The following ATP10A variants were observed in gnomAD, a reference collection of about 807,000 sequenced individuals.
The protein encoded by ATP10A is phospholipid-transporting ATPase VA.
ATP10A carries 111 observed loss-of-function variants against 147.8 expected under a neutral mutation model. That is an observed-to-expected ratio of 0.75 (90% CI 0.64 to 0.88). The LOEUF (loss-of-function observed/expected upper bound fraction) is 0.88, where lower values mean the gene tolerates loss of function less well. Among genes scored for constraint, ATP10A ranks in the 40% least tolerant of loss-of-function variants. The probability of loss-of-function intolerance (pLI) is 0.00; values close to 1 mark genes in which losing one functional copy is unlikely to be tolerated. For synonymous variants in ATP10A, 875 were observed against 841.6 expected (o/e 1.04, Z -0.69); for missense variants, 1,927 against 1,959.0 (o/e 0.98, Z 0.31).
At chr15:25,829,086 G>A (rs376376044) in intron 1 of ATP10A, among the ~76,000 whole-genome samples, 34 of 152,226 alleles carry the variant, frequency 2.2e-4, no homozygotes, top group African/African-American at 7.2e-4. Flanking sequence ...GTAAGGAGGC[G>A]GAAAGTCGAT....
intron 12 of ATP10A, 114 bp from the exon 13 acceptor site, chr15:25,702,214 T>C (rs1900710849): frequency 2.7e-6 from 3 of 1,120,684 alleles, no homozygotes; most frequent in Non-Finnish European, 1.3e-6. Flanking sequence ...GTACAGCCCC[T>C]GTTGCCTGGG....
chr15:25,694,781 A>T, intron 14 of ATP10A, 38 bp downstream of exon 14: 19 of 1,556,158 alleles, frequency 1.2e-5, no homozygotes, highest in Non-Finnish European at 1.7e-5. Context: ...GTTTGGGTCC[A>T]GCTGGGAGGA....
intron 1 of ATP10A, among the ~76,000 whole-genome samples, chr15:25,835,582 T>C (rs116670467): frequency 1.9e-3 from 284 of 152,212 alleles, no homozygotes; most frequent in African/African-American, 6.5e-3. Context: ...AGGCCGGCCA[T>C]AGGAAACTTC....
At chr15:25,723,207 G>A (rs1567333406) in intron 6 of ATP10A, among the ~76,000 whole-genome samples, 1 of 152,054 alleles carries the variant, frequency 6.6e-6, no homozygotes, top group African/African-American at 2.4e-5. Context: ...AAATTAGCAA[G>A]GTGTGTGGCA....
rs1364592968 is a variant in ATP10A, at chr15:25,723,922, T to C, written c.1079A>G (p.Tyr360Cys). The C allele has an allele frequency of 1.2e-6, 2 of 1,606,458 alleles. No individual in the cohort carries two copies. Among genetic ancestry groups the C allele is most frequent in the South Asian group, 2.3e-5 (2 of 88,876 alleles). ...AACTATTATCATTGTTAAAAATGAG[T>C]AAACTGCAGCTGTGACTGGGGATAA... ...SSLSPVTAAV[Y>C]SFLTMIIVLQ... The change falls in exon 6 of 21, where the codon TAC becomes TGC. Residue 360 changes from tyrosine to cysteine, a missense_variant. Coordinates refer to ENST00000555815, the MANE Select transcript of ATP10A (RefSeq NM_024490.4).
At chr15:25,775,146 A>G (rs1236169486) in intron 2 of ATP10A, among the ~76,000 whole-genome samples, 1 of 152,196 alleles carries the variant, frequency 6.6e-6, no homozygotes, top group Admixed American at 6.5e-5. Context: ...AAGACTAACA[A>G]CTTGAAAAGC....
intron 17 of ATP10A, 43 bp downstream of exon 17, chr15:25,683,243 C>A (rs1452235871): frequency 6.3e-7 from 1 of 1,582,846 alleles, no homozygotes; most frequent in Non-Finnish European, 8.7e-7. Flanking sequence ...ACGTGGAGGG[C>A]AGAGCTCAGG....
chr15:25,726,126 C>A, intron 4 of ATP10A, 44 bp from the exon 5 acceptor site: 1 of 1,597,982 alleles, frequency 6.3e-7, no homozygotes, highest in Non-Finnish European at 8.6e-7. Flanking sequence ...GAGACTGGAG[C>A]TAAGGGACCA....
At chr15:25,819,439 C>T (rs1257184530) in intron 1 of ATP10A, among the ~76,000 whole-genome samples, 1 of 152,068 alleles carries the variant, frequency 6.6e-6, no homozygotes, top group African/African-American at 2.4e-5. Flanking sequence ...GCTGGTGAGA[C>T]TGCAGAGAAA....
intron 1 of ATP10A, among the ~76,000 whole-genome samples, chr15:25,849,830 CA>C: frequency 6.7e-6 from 1 of 149,494 alleles, no homozygotes; most frequent in East Asian, 2.0e-4. Context: ...TGCTTAAAAG[CA>C]ATGATTTTCT....
At position 25,678,933 on chromosome 15, in the gene ATP10A, A is replaced by G. The variant is rs1315491466; in HGVS notation, c.*408T>C. 1.3e-5 allele frequency: 2 copies of G among 152,516 alleles called. No homozygotes were observed. Among genetic ancestry groups the G allele is most frequent in the African/African-American group, 4.8e-5 (2 of 41,416 alleles). The allele number at this position is 152,516 out of a possible 1,614,324, so 9.4% of individuals were successfully genotyped here. A position where few individuals can be genotyped will look rare whatever the true frequency, so the allele number is the denominator to read the frequency against. ...GTGAGACTGGAAGCCTCTGGGGGCC[A>G]TGTGCTCTGCCCTCTGCCATCTCTG... On this transcript the variant is annotated 3_prime_UTR_variant, in exon 21 of 21. Coordinates refer to ENST00000555815, the MANE Select transcript of ATP10A (RefSeq NM_024490.4).
intron 1 of ATP10A, among the ~76,000 whole-genome samples, chr15:25,809,608 A>G (rs1317942936): frequency 1.3e-5 from 2 of 152,130 alleles, no homozygotes; most frequent in Non-Finnish European, 2.9e-5. Flanking sequence ...CTTCGTTTTT[A>G]TTCATTTTCC....
At chr15:25,737,861 G>A (rs1057222999) in intron 2 of ATP10A, among the ~76,000 whole-genome samples, 19 of 152,194 alleles carry the variant, frequency 1.2e-4, no homozygotes, top group African/African-American at 3.6e-4. Context: ...CACACAGAGG[G>A]GAGATCATGC....
At chr15:25,851,681 A>G (rs1169154866) in intron 1 of ATP10A, among the ~76,000 whole-genome samples, 3 of 152,152 alleles carry the variant, frequency 2.0e-5, no homozygotes, top group Non-Finnish European at 2.9e-5. Context: ...TCTATTCCCA[A>G]TATTTCAAAA....
chr15:25,717,023 A>G, intron 8 of ATP10A, 99 bp from the exon 9 acceptor site: 1 of 943,788 alleles, frequency 1.1e-6, no homozygotes, highest in Non-Finnish European at 1.5e-6. Flanking sequence ...TATAAGCTGT[A>G]AACAGAACTT....
intron 1 of ATP10A, among the ~76,000 whole-genome samples, chr15:25,854,589 A>T (rs1404351804): frequency 6.6e-6 from 1 of 152,364 alleles, no homozygotes; most frequent in African/African-American, 2.4e-5. Flanking sequence ...ATCACAACTG[A>T]CTTGAGAAGA....
At chr15:25,781,654 C>CA (rs548952406) in intron 1 of ATP10A, among the ~76,000 whole-genome samples, 387 of 138,926 alleles carry the variant, frequency 2.8e-3, no homozygotes, top group Non-Finnish European at 5.0e-3. Context: ...TATTCCGTCT[C>CA]AAAAAAAAAG....
chr15:25,796,360 G>A (rs1330038229), intron 1 of ATP10A, among the ~76,000 whole-genome samples: 2 of 151,922 alleles, frequency 1.3e-5, no homozygotes, highest in Non-Finnish European at 2.9e-5. Context: ...AGCCACAATA[G>A]CACCACTACA....
intron 2 of ATP10A, among the ~76,000 whole-genome samples, chr15:25,750,381 G>A (rs1888080969): frequency 6.6e-6 from 1 of 151,876 alleles, no homozygotes; most frequent in Non-Finnish European, 1.5e-5. Context: ...GTAAAATAAA[G>A]ATGTTTGCAC....
Sources: allele counts gnomAD v4.1 joint callset (sites outside exome capture counted in the v4.1 genomes callset), GRCh38; gene constraint gnomAD v4.1.1; transcripts MANE v1.5; gene names NCBI Gene and HGNC (gene_info 2026-07-23, HGNC 2026-07-21).